TMEM132C: variants seen among roughly 807,000 people sequenced by gnomAD.
The protein encoded by TMEM132C is protein phosphatase 1, regulatory subunit 152.
A neutral mutation model predicts 61.4 loss-of-function variants in TMEM132C; 29 were observed. The ratio of observed to expected loss-of-function variants is 0.47; its 90% confidence interval spans 0.35 to 0.64. The LOEUF is 0.64. Ranked by LOEUF, TMEM132C falls within the 30% of genes least tolerant of loss-of-function variation. TMEM132C has a pLI of 0.00. For synonymous variants in TMEM132C, 656 were observed against 633.1 expected, an observed-to-expected ratio of 1.04 and a Z score of -0.54; for missense variants, 1,408 against 1,476.9, an observed-to-expected ratio of 0.95 and a Z score of 0.76.
chr12:128,484,637 C>T (rs1286701824), intron 2 of TMEM132C, among the ~76,000 whole-genome samples: 2 of 151,988 alleles, frequency 1.3e-5, no homozygotes, highest in African/African-American at 4.8e-5. Flanking sequence ...GGAAACATTC[C>T]TAGGAAGAAG....
intron 1 of TMEM132C, among the ~76,000 whole-genome samples, chr12:128,337,178 G>C (rs959239165): frequency 6.6e-5 from 10 of 151,966 alleles, no homozygotes; most frequent in African/African-American, 2.4e-4. Flanking sequence ...CATGGTCTCT[G>C]ATCTCGTTAG....
At chr12:128,403,637 G>A (rs535957961) in intron 1 of TMEM132C, among the ~76,000 whole-genome samples, 90 of 152,160 alleles carry the variant, frequency 5.9e-4, no homozygotes, top group South Asian at 2.3e-3. Context: ...TAAGTGAGGC[G>A]GTCTTATGTG....
chr12:128,403,043 G>A lies in TMEM132C; in HGVS notation c.86-11689G>A, dbSNP rs148166278. On this transcript the variant is annotated intron_variant, in intron 1 of 8. Transcript: ENST00000435159. ...TTTTAAAGGAGAGCTTGACGGTTACGAAATTGCAAACCGCGCTATGTAATT... is the reference window on the plus strand; with the variant it reads ...TTTTAAAGGAGAGCTTGACGGTTACAAAATTGCAAACCGCGCTATGTAATT... Among the ~76,000 whole-genome samples, 207 of 152,300 alleles carry A rather than the reference G, an allele frequency of 1.4e-3. 1 individual carries two copies. The East Asian group carries it at 0.016, about 12-fold the overall frequency.
intron 2 of TMEM132C, among the ~76,000 whole-genome samples, chr12:128,426,852 C>T (rs1350380225): frequency 1.3e-5 from 2 of 152,272 alleles, no homozygotes; most frequent in South Asian, 2.1e-4. Flanking sequence ...CTTTCTGACC[C>T]GAATTCTGCC....
At chr12:128,650,683 C>G (rs1215850505) in intron 4 of TMEM132C, among the ~76,000 whole-genome samples, 1 of 151,968 alleles carries the variant, frequency 6.6e-6, no homozygotes, top group African/African-American at 2.4e-5. Context: ...GAGCAGTGAA[C>G]TTTTTTGCCA....
At chr12:128,631,041 T>C (rs1367374724) in intron 4 of TMEM132C, among the ~76,000 whole-genome samples, 2 of 152,144 alleles carry the variant, frequency 1.3e-5, no homozygotes, top group East Asian at 1.9e-4. Context: ...AAAATAGTAA[T>C]AATAATAATA....
chr12:128,633,208 C>T (rs1420271131), intron 4 of TMEM132C, among the ~76,000 whole-genome samples: 1 of 152,122 alleles, frequency 6.6e-6, no homozygotes, highest in African/African-American at 2.4e-5. Context: ...TGGCTGGCTC[C>T]CCCCAGAGAT....
intron 1 of TMEM132C, among the ~76,000 whole-genome samples, chr12:128,354,464 TCTTC>T (rs749023881): frequency 3.3e-5 from 5 of 151,774 alleles, no homozygotes; most frequent in Admixed American, 6.6e-5. Flanking sequence ...TTCTTTTCTT[TCTTC>T]CTTCCTTCCT....
chr12:128,623,336 G>T (rs1259150333), intron 4 of TMEM132C, among the ~76,000 whole-genome samples: 1 of 151,940 alleles, frequency 6.6e-6, no homozygotes, highest in Non-Finnish European at 1.5e-5. Context: ...AGAAAGTAAA[G>T]CTATGTTCTG....
At chr12:128,565,500 A>G (rs937780653) in intron 3 of TMEM132C, among the ~76,000 whole-genome samples, 2 of 152,244 alleles carry the variant, frequency 1.3e-5, no homozygotes, top group African/African-American at 4.8e-5. Context: ...TCTTGGTATT[A>G]AAAAATAGTC....
At position 128,278,835 on chromosome 12, in the gene TMEM132C, T is replaced by G. The variant is rs905475673; in HGVS notation, c.85+11348T>G. Reference sequence around the variant, plus strand: ...TGGATTTTGATAAAACAGGTTACTCTGCATAATGTGGGTAGCCTCATCCAA... The same window carrying G: ...TGGATTTTGATAAAACAGGTTACTCGGCATAATGTGGGTAGCCTCATCCAA... On this transcript the variant is annotated intron_variant, in intron 1 of 8. Coordinates refer to ENST00000435159, the MANE Select transcript of TMEM132C (RefSeq NM_001136103.3). This position sits in a 1 kb window ranked among gnomAD's most constrained non-coding sequence, Gnocchi z 4.2. Among the ~76,000 whole-genome samples the G allele has an allele frequency of 1.3e-5, 2 of 151,942 alleles. No homozygotes were observed. Among genetic ancestry groups the G allele is most frequent in the African/African-American group, 4.8e-5 (2 of 41,346 alleles).
chr12:128,578,586 G>A (rs1240119218), intron 3 of TMEM132C, among the ~76,000 whole-genome samples: 1 of 151,916 alleles, frequency 6.6e-6, no homozygotes, highest in East Asian at 1.9e-4. Flanking sequence ...AATTAAAGAG[G>A]TTTTTGTTGT....
chr12:128,648,892 GGATATGGGTGTGTTTA>G (rs1954238962), intron 4 of TMEM132C, among the ~76,000 whole-genome samples: 1 of 146,290 alleles, frequency 6.8e-6, no homozygotes, highest in Non-Finnish European at 1.5e-5. Flanking sequence ...CATCAGCATT[GGATATGGGTGTGTTTA>G]CTGGAGTCCA....
At position 128,669,646 on chromosome 12, in the gene TMEM132C, C is replaced by G. The variant is rs192974301; in HGVS notation, c.1449+86C>G. Reference sequence around the variant, plus strand: ...TGCTAGGGACATTTAGACTGAAATACATGACGTTCAACTATACAGAGGCTT... The same window carrying G: ...TGCTAGGGACATTTAGACTGAAATAGATGACGTTCAACTATACAGAGGCTT... On this transcript the variant is annotated intron_variant, in intron 5 of 8. Coordinates refer to ENST00000435159, the MANE Select transcript of TMEM132C (RefSeq NM_001136103.3). 1.6e-3 allele frequency: 2,425 copies of G among 1,474,538 alleles called. 1 individual carries two copies. The highest frequency in any genetic ancestry group is 2.1e-3 in the Non-Finnish European group (2,254 of 1,095,970). 91.3% of individuals were successfully genotyped at this position (1,474,538 alleles called of 1,614,324 possible). A position where few individuals can be genotyped will look rare whatever the true frequency, so the allele number is the denominator to read the frequency against.
At chr12:128,402,080 C>T (rs1009650319) in intron 1 of TMEM132C, among the ~76,000 whole-genome samples, 10 of 152,028 alleles carry the variant, frequency 6.6e-5, no homozygotes, top group Non-Finnish European at 8.8e-5. Context: ...AAGTCAGGGG[C>T]GAGAGAAGCT....
intron 4 of TMEM132C, among the ~76,000 whole-genome samples, chr12:128,668,299 T>G: frequency 6.7e-6 from 1 of 148,768 alleles, no homozygotes; most frequent in African/African-American, 2.5e-5. Flanking sequence ...GAAGGGGAGA[T>G]GAAGGGGGAA....
At chr12:128,669,609 G>T (rs1175534880) in intron 5 of TMEM132C, 49 bp downstream of exon 5, 1 of 1,539,788 alleles carries the variant, frequency 6.5e-7, no homozygotes, top group Non-Finnish European at 8.8e-7. Flanking sequence ...AACTTCACTT[G>T]GACATCCCGT....
At chr12:128,506,700 C>T (rs532809211) in intron 2 of TMEM132C, among the ~76,000 whole-genome samples, 1 of 152,292 alleles carries the variant, frequency 6.6e-6, no homozygotes, top group Admixed American at 6.5e-5. Context: ...CCGGCCTCCC[C>T]ATGCACCATC....
chr12:128,488,882 G>T (rs993505418), intron 2 of TMEM132C, among the ~76,000 whole-genome samples: 1 of 152,006 alleles, frequency 6.6e-6, no homozygotes, highest in African/African-American at 2.4e-5. Flanking sequence ...TAACAGAAAA[G>T]CTTTTATAAA....
Sources: allele counts gnomAD v4.1 joint callset (sites outside exome capture counted in the v4.1 genomes callset), GRCh38; gene constraint gnomAD v4.1.1; non-coding constraint Gnocchi (gnomAD v3.1); transcripts MANE v1.5; gene names NCBI Gene and HGNC (gene_info 2026-07-23, HGNC 2026-07-21).